Variants in TBC1D2 observed in about 807,000 individuals in gnomAD.
The protein encoded by TBC1D2 is TBC1 domain family member 2.
TBC1D2 carries 58 observed loss-of-function variants against 91.1 expected under a neutral mutation model. The observed-to-expected ratio is 0.64, with a 90% CI of 0.52 to 0.79. The LOEUF (loss-of-function observed/expected upper bound fraction) is 0.79, where lower values mean the gene tolerates loss of function less well. Among genes scored for constraint, TBC1D2 ranks in the 30% least tolerant of loss-of-function variants. The probability of loss-of-function intolerance (pLI) is 0.00; values close to 1 mark genes in which losing one functional copy is unlikely to be tolerated. For missense variants in TBC1D2, 1,080 were observed against 1,208.3 expected (o/e 0.89, Z 1.57); for synonymous variants, 482 against 511.5 (o/e 0.94, Z 0.78).
intron 2 of TBC1D2, among the ~76,000 whole-genome samples, chr9:98,247,728 C>CAAAAAA (rs58713846): frequency 7.1e-5 from 5 of 70,842 alleles, no homozygotes; most frequent in Non-Finnish European, 1.2e-4. Context: ...GACTCCGTCT[C>CAAAAAA]AAAAAAAAAA....
At chr9:98,217,091 G>T (rs1374183925) in intron 6 of TBC1D2, among the ~76,000 whole-genome samples, 1 of 152,218 alleles carries the variant, frequency 6.6e-6, no homozygotes, top group Non-Finnish European at 1.5e-5. Context: ...GCCGGACAGG[G>T]AGGCAGAGTG....
chr9:98,199,365 A>G lies in TBC1D2; in HGVS notation c.*16T>C. 1 of 1,612,060 alleles carries G rather than the reference A, an allele frequency of 6.2e-7. No homozygotes were observed. Among genetic ancestry groups the G allele is most frequent in the Non-Finnish European group, 8.5e-7 (1 of 1,179,724 alleles). On this transcript the variant is annotated 3_prime_UTR_variant, in exon 13 of 13. Transcript: ENST00000465784. ...GCCAAGGGTGAGGAAGGCTGTGGGG[A>G]GGGGAGGTGGCCAAGTCAGGCTTCC...
chr9:98,234,268 C>A (rs1394022705), intron 3 of TBC1D2, among the ~76,000 whole-genome samples: 1 of 152,150 alleles, frequency 6.6e-6, no homozygotes, highest in Non-Finnish European at 1.5e-5. Context: ...CTGGGTTGTA[C>A]ATGCCAGAGA....
Position 98,221,048 on chromosome 9 carries a change from C to T in TBC1D2, c.1159G>A (p.Ala387Thr). Reference sequence around the variant, plus strand: ...TGCTCCCGCAGGCTCGCTGTGTGCGCCAGGCTCTCCCGCTCCTGCTCCAGG... The same window carrying T: ...TGCTCCCGCAGGCTCGCTGTGTGCGTCAGGCTCTCCCGCTCCTGCTCCAGG... The part of the protein sequence containing the change: ...EALEQERESL[A>T]HTASLREQQV... The change falls in exon 6 of 13, where the codon GCG becomes ACG. Residue 387 changes from alanine (A) to threonine (T), a missense_variant. Ala to Thr is a moderately conservative substitution (Grantham distance 58, BLOSUM62 0). Coordinates refer to ENST00000465784, the MANE Select transcript of TBC1D2 (RefSeq NM_001267571.2). 1 of 1,612,978 alleles carries T rather than the reference C, an allele frequency of 6.2e-7. No homozygotes were observed. The highest frequency in any genetic ancestry group is 8.5e-7 in the Non-Finnish European group (1 of 1,179,748).
At chr9:98,202,451 C>T (rs1205319347) in intron 10 of TBC1D2, among the ~76,000 whole-genome samples, 1 of 152,194 alleles carries the variant, frequency 6.6e-6, no homozygotes, top group Non-Finnish European at 1.5e-5. Context: ...TCAGCTGTGG[C>T]AAACAGCCAG....
At chr9:98,240,083 G>C (rs1303748666) in intron 3 of TBC1D2, among the ~76,000 whole-genome samples, 1 of 151,874 alleles carries the variant, frequency 6.6e-6, no homozygotes, top group East Asian at 1.9e-4. Flanking sequence ...CCTAGCTAAA[G>C]GTTTGTCAAC....
chr9:98,217,041 T>G lies in TBC1D2; in HGVS notation c.1374+3792A>C, dbSNP rs1280887143. On this transcript the variant is annotated intron_variant, in intron 6 of 12. Coordinates refer to ENST00000465784, the MANE Select transcript of TBC1D2 (RefSeq NM_001267571.2). ...CTTTGGAAAGAAGGCTTTTGTCACA[T>G]AAGATACCCTGCTTCCAGCTCTAGG... Among the ~76,000 whole-genome samples, 3 of 152,142 alleles carry G rather than the reference T, an allele frequency of 2.0e-5. No homozygotes were observed. The East Asian group carries it at 5.8e-4, about 29-fold the overall frequency.
At chr9:98,204,419 T>C (rs773470382) in intron 9 of TBC1D2, among the ~76,000 whole-genome samples, 1 of 152,302 alleles carries the variant, frequency 6.6e-6, no homozygotes, top group East Asian at 1.9e-4. Flanking sequence ...CTGTTGTCCA[T>C]TGCACCCATG....
chr9:98,211,552 G>T (rs1206655054), intron 7 of TBC1D2, among the ~76,000 whole-genome samples: 1 of 152,136 alleles, frequency 6.6e-6, no homozygotes, highest in African/African-American at 2.4e-5. Flanking sequence ...TTGTGAGATG[G>T]GGACAGTGAA....
intron 12 of TBC1D2, 119 bp downstream of exon 12, chr9:98,200,134 A>G (rs896639465): frequency 2.1e-6 from 3 of 1,401,348 alleles, no homozygotes; most frequent in Non-Finnish European, 2.9e-6. Context: ...TTTCTAAGCT[A>G]TAATACGAGC....
chr9:98,230,868 G>A (rs145806691), intron 4 of TBC1D2, among the ~76,000 whole-genome samples: 40 of 152,308 alleles, frequency 2.6e-4, no homozygotes, highest in Middle Eastern at 3.4e-3. Flanking sequence ...GCAACAGAGC[G>A]AGACTCTGAC....
chr9:98,239,812 T>G (rs899933010), intron 3 of TBC1D2, among the ~76,000 whole-genome samples: 4 of 152,210 alleles, frequency 2.6e-5, no homozygotes, highest in Non-Finnish European at 2.9e-5. Flanking sequence ...TTTTTCTTCA[T>G]GTGTAGTTAT....
chr9:98,252,961 G>T (rs1350004605), intron 1 of TBC1D2, among the ~76,000 whole-genome samples: 1 of 152,140 alleles, frequency 6.6e-6, no homozygotes, highest in African/African-American at 2.4e-5. Context: ...GTATCAATAA[G>T]ATAAATGATG....
chr9:98,255,191 G>C lies in TBC1D2; in HGVS notation c.351C>G (p.Ser117Arg). The change falls in exon 1 of 13, where the codon AGC (serine) becomes AGG (arginine). Residue 117 changes from serine (S) to arginine (R), a missense_variant. Transcript: ENST00000465784. ...AATTTACCTTCAGGGTAATAACCCGGCTGGGAGTCTTGATTTCGAAGATCC... is the reference window on the plus strand; with the variant it reads ...AATTTACCTTCAGGGTAATAACCCGCCTGGGAGTCTTGATTTCGAAGATCC... ...EEGIFEIKTP[S>R]RVITLKAATK... is the part of the protein sequence containing the mutation. 1.9e-6 allele frequency: 3 copies of C among 1,609,198 alleles called. No homozygotes were observed. The highest frequency in any genetic ancestry group is 2.6e-6 in the Non-Finnish European group (3 of 1,176,280).
chr9:98,210,144 G>A (rs928701793), intron 8 of TBC1D2, among the ~76,000 whole-genome samples: 4 of 152,144 alleles, frequency 2.6e-5, no homozygotes, highest in Non-Finnish European at 5.9e-5. Context: ...ATATCTTATG[G>A]AGGCTGAGTA....
At chr9:98,223,068 A>G (rs1274493980) in intron 5 of TBC1D2, among the ~76,000 whole-genome samples, 1 of 152,218 alleles carries the variant, frequency 6.6e-6, no homozygotes, top group East Asian at 1.9e-4. Context: ...CCCACCTCCA[A>G]GGACTGCAAA....
chr9:98,210,370 C>T (rs1181969514), intron 8 of TBC1D2, among the ~76,000 whole-genome samples: 1 of 152,184 alleles, frequency 6.6e-6, no homozygotes, highest in Admixed American at 6.5e-5. Context: ...CCCTCTCTGA[C>T]AGGCACATCT....
intron 2 of TBC1D2, among the ~76,000 whole-genome samples, chr9:98,246,479 T>C (rs1355154085): frequency 6.6e-6 from 1 of 152,142 alleles, no homozygotes; most frequent in Non-Finnish European, 1.5e-5. Flanking sequence ...TTTGAGGCCC[T>C]CCCTTCCATG....
intron 5 of TBC1D2, among the ~76,000 whole-genome samples, chr9:98,227,428 A>G (rs1477328562): frequency 6.6e-6 from 1 of 152,142 alleles, no homozygotes; most frequent in Non-Finnish European, 1.5e-5. Context: ...CCCTCCTTTG[A>G]GAACTCTAAT....
Sources: gnomAD v4.1 joint callset for allele counts (sites outside exome capture counted in the v4.1 genomes callset) on GRCh38, gnomAD v4.1.1 for gene constraint, MANE v1.5 for transcripts, NCBI Gene and HGNC (gene_info 2026-07-23, HGNC 2026-07-21) for gene names.